CHRM5: variants seen among roughly 807,000 people sequenced by gnomAD.
CHRM5 encodes muscarinic acetylcholine receptor M5.
Under a neutral mutation model 39.0 loss-of-function variants are expected in CHRM5, and 18 were observed. The ratio of observed to expected loss-of-function variants is 0.46; its 90% CI spans 0.32 to 0.68. The LOEUF (loss-of-function observed/expected upper bound fraction) is 0.68, where lower values mean the gene tolerates loss of function less well. Among genes scored for constraint, CHRM5 ranks in the 30% least tolerant of loss-of-function variants. The pLI is 0.04. For synonymous variants in CHRM5, 241 were observed against 246.3 expected (o/e 0.98, Z 0.20); for missense variants, 515 against 651.1 (o/e 0.79, Z 2.28).
At chr15:33,990,558 C>T (rs1896677618) in intron 1 of CHRM5, 1 of 152,226 alleles carries the variant, frequency 6.6e-6, no homozygotes, top group Admixed American at 6.5e-5. Flanking sequence ...TCCAGTATAA[C>T]TAGCTTAAAT....
chr15:34,054,650 C>T (rs371757702), intron 2 of CHRM5, among the ~76,000 whole-genome samples: 5 of 152,228 alleles, frequency 3.3e-5, no homozygotes, highest in African/African-American at 1.2e-4. Context: ...CACAAGGGCA[C>T]ATCCAGGGAA....
chr15:33,990,902 C>T (rs1439854074), intron 1 of CHRM5: 1 of 152,126 alleles, frequency 6.6e-6, no homozygotes, highest in Non-Finnish European at 1.5e-5. Flanking sequence ...AAGCACTGAA[C>T]AAATCAAAGG....
chr15:34,055,286 C>A (rs1169768411), intron 2 of CHRM5, among the ~76,000 whole-genome samples: 1 of 150,286 alleles, frequency 6.7e-6, no homozygotes, highest in African/African-American at 2.5e-5. Flanking sequence ...TCTCTTGAGG[C>A]CAGGAGTTTG....
chr15:34,045,777 C>A (rs988432348), intron 1 of CHRM5, among the ~76,000 whole-genome samples: 1 of 151,836 alleles, frequency 6.6e-6, no homozygotes, highest in Non-Finnish European at 1.5e-5. Flanking sequence ...CAAGTCCACT[C>A]GACAAGAAAA....
chr15:34,063,975 C>T lies in CHRM5; in HGVS notation c.1258C>T (p.Pro420Ser). The T allele has an allele frequency of 1.2e-6, 2 of 1,614,176 alleles. No individual in the cohort carries two copies. The highest frequency in any genetic ancestry group is 1.1e-5 in the South Asian group (1 of 91,084). The stretch of plus-strand genomic sequence containing the variant: ...GGAACCTTCAACGAAAGGCCTCAAT[C>T]CCAACCCCAGCCATCAAATGACCAA... ...AKEPSTKGLN[P>S]NPSHQMTKRK... Residue 420 changes from proline to serine, a missense_variant, in exon 3 of 3, where the codon CCC (proline) becomes TCC (serine). Transcript: ENST00000383263. The surrounding 1 kb of genome is among the most constrained non-coding windows in gnomAD (Gnocchi z 4.1).
chr15:34,044,929 T>A (rs1388065654), intron 1 of CHRM5, among the ~76,000 whole-genome samples: 1 of 152,138 alleles, frequency 6.6e-6, no homozygotes, highest in Admixed American at 6.5e-5. Context: ...GTGCCTGTAG[T>A]CCCAGCTACT....
At chr15:34,006,047 C>T (rs1597340078) in intron 1 of CHRM5, among the ~76,000 whole-genome samples, 1 of 152,310 alleles carries the variant, frequency 6.6e-6, no homozygotes, top group East Asian at 1.9e-4. Context: ...CACGGTGGCT[C>T]ACACCTGTAA....
intron 1 of CHRM5, among the ~76,000 whole-genome samples, chr15:34,027,888 G>A (rs904027366): frequency 6.6e-5 from 10 of 151,568 alleles, no homozygotes; most frequent in Non-Finnish European, 1.5e-4. Context: ...AGATGTTCAA[G>A]AGGGCATTGT....
At chr15:34,004,572 T>C (rs1897261673) in intron 1 of CHRM5, among the ~76,000 whole-genome samples, 1 of 152,186 alleles carries the variant, frequency 6.6e-6, no homozygotes. Context: ...TTATTGTTTG[T>C]TTGTTATAAT....
intron 1 of CHRM5, among the ~76,000 whole-genome samples, chr15:34,032,289 C>G (rs1898890995): frequency 6.6e-6 from 1 of 152,102 alleles, no homozygotes; most frequent in African/African-American, 2.4e-5. Flanking sequence ...ACCTACGTAA[C>G]CTCTCTAGAG....
rs755675000 is a variant in CHRM5 at position 34,064,332 on chromosome 15, T to A, written c.*16T>A. 1 of 1,599,044 alleles carries A rather than the reference T, an allele frequency of 6.3e-7. No individual in the cohort carries two copies. The highest frequency in any genetic ancestry group is 1.1e-5 in the South Asian group (1 of 88,180). Reference sequence around the variant, plus strand: ...GCTACCCTGAAAAGTCAACAACTCCTCTCGAAAGAACAATGACCACAGTCA... The same window carrying A: ...GCTACCCTGAAAAGTCAACAACTCCACTCGAAAGAACAATGACCACAGTCA... On this transcript the variant is annotated 3_prime_UTR_variant, in exon 3 of 3. Coordinates refer to ENST00000383263, the MANE Select transcript of CHRM5 (RefSeq NM_012125.4).
At position 34,064,022 on chromosome 15, in the gene CHRM5, C is replaced by CA; in HGVS notation, c.1308dup (p.Glu437ArgfsTer23). 1.2e-6 allele frequency: 2 copies of CA among 1,614,138 alleles called. No homozygotes were observed. The highest frequency in any genetic ancestry group is 1.7e-6 in the Non-Finnish European group (2 of 1,180,016). ...CCAAACGAAAGAGAGTGGTCCTAGT[C>CA]AAAGAGAGGAAAGCAGCCCAGACAC... On this transcript the variant is annotated frameshift_variant, in exon 3 of 3. Coordinates refer to ENST00000383263, the MANE Select transcript of CHRM5 (RefSeq NM_012125.4). LOFTEE classifies it high-confidence loss of function.
At chr15:34,023,522 C>G (rs1380807902) in intron 1 of CHRM5, among the ~76,000 whole-genome samples, 1 of 152,206 alleles carries the variant, frequency 6.6e-6, no homozygotes, top group African/African-American at 2.4e-5. Context: ...AAAGCCTGGT[C>G]ATTCATTCTT....
intron 1 of CHRM5, chr15:34,039,062 G>T (rs1348895123): frequency 1.3e-5 from 14 of 1,092,612 alleles, no homozygotes; most frequent in African/African-American, 1.7e-5. Flanking sequence ...CGCCGCTGGC[G>T]GTGCTGAGCG....
chr15:34,024,999 C>T (rs1249346275), intron 1 of CHRM5, among the ~76,000 whole-genome samples: 3 of 151,432 alleles, frequency 2.0e-5, no homozygotes, highest in African/African-American at 4.9e-5. Flanking sequence ...TAGAGAACCC[C>T]GTCTCTACTA....
At chr15:34,000,540 T>C (rs1897098602) in intron 1 of CHRM5, among the ~76,000 whole-genome samples, 1 of 152,220 alleles carries the variant, frequency 6.6e-6, no homozygotes, top group African/African-American at 2.4e-5. Context: ...GAACCAACAA[T>C]ATTTTTTCTC....
rs1172869026 is a variant in CHRM5, at chr15:34,062,872, T to C, written c.155T>C (p.Met52Thr). ...ACCATTGTGGGCAATGTCTTGGTCA[T>C]GATCTCCTTCAAAGTCAACAGCCAG... The part of the protein sequence containing the change: ...LITIVGNVLV[M>T]ISFKVNSQLK... Residue 52 changes from methionine to threonine, a missense_variant, in exon 3 of 3, where the codon ATG (methionine) becomes ACG (threonine). Transcript: ENST00000383263. 14 of 1,614,242 alleles carry C rather than the reference T, an allele frequency of 8.7e-6. No individual in the cohort carries two copies. Among genetic ancestry groups the C allele is most frequent in the Non-Finnish European group, 1.2e-5 (14 of 1,180,052 alleles).
At chr15:34,034,274 C>T (rs1310919569) in intron 1 of CHRM5, among the ~76,000 whole-genome samples, 1 of 151,950 alleles carries the variant, frequency 6.6e-6, no homozygotes, top group East Asian at 1.9e-4. Context: ...GAGACCATGT[C>T]TACAAAATAT....
chr15:34,009,840 T>C (rs574241058), intron 1 of CHRM5, among the ~76,000 whole-genome samples: 200 of 152,082 alleles, frequency 1.3e-3, no homozygotes, highest in African/African-American at 4.6e-3. Context: ...AAATAAAAAA[T>C]TAGCTGAGCA....
Sources: allele counts gnomAD v4.1 joint callset (sites outside exome capture counted in the v4.1 genomes callset), GRCh38; gene constraint gnomAD v4.1.1; non-coding constraint Gnocchi (gnomAD v3.1); transcripts MANE v1.5; gene names NCBI Gene and HGNC (gene_info 2026-07-23, HGNC 2026-07-21).